IRGM: variants seen among roughly 807,000 people sequenced by gnomAD.
IRGM encodes immunity related GTPase M.
For missense variants in IRGM, 288 were observed against 219.9 expected, an observed-to-expected ratio of 1.31 and a Z score of -1.96; for synonymous variants, 98 against 80.6, an observed-to-expected ratio of 1.22 and a Z score of -1.16.
At chr5:150,850,574 T>C (rs1231681421), downstream of IRGM, among the ~76,000 whole-genome samples, 3 of 152,102 alleles carry the variant, frequency 2.0e-5, no homozygotes, top group African/African-American at 7.2e-5. Flanking sequence ...GTACCCCCCT[T>C]TTTTGAGACA....
At chr5:150,869,997 A>C (rs1029472541) in intron 1 of IRGM, among the ~76,000 whole-genome samples, 39 of 152,208 alleles carry the variant, frequency 2.6e-4, no homozygotes, top group Non-Finnish European at 5.4e-4. Flanking sequence ...AAAGATTCCA[A>C]AAGACCTCCA....
At chr5:150,901,011 G>A (rs17111473), downstream of IRGM, among the ~76,000 whole-genome samples, 11,036 of 152,050 alleles carry the variant, frequency 0.073, 1,331 homozygotes, top group African/African-American at 0.25. Flanking sequence ...GGTCCCTGGG[G>A]AAATGGAAGT....
intron 1 of IRGM, among the ~76,000 whole-genome samples, chr5:150,866,567 G>C (rs933179807): frequency 6.6e-6 from 1 of 152,052 alleles, no homozygotes; most frequent in Non-Finnish European, 1.5e-5. Flanking sequence ...AGAAACTTCT[G>C]ACAAAAATCA....
intron 3 of IRGM, chr5:150,895,950 A>C (rs1561754852): frequency 6.2e-7 from 1 of 1,613,446 alleles, no homozygotes; most frequent in Non-Finnish European, 8.5e-7. Context: ...ACCAGTGTGA[A>C]TTCTTTTATG....
At chr5:150,859,005 C>A (rs969538544) in intron 1 of IRGM, among the ~76,000 whole-genome samples, 2 of 152,090 alleles carry the variant, frequency 1.3e-5, no homozygotes, top group African/African-American at 2.4e-5. Context: ...GTCTTGTGCC[C>A]ATTTTCAATG....
intron 3 of IRGM, among the ~76,000 whole-genome samples, chr5:150,900,134 C>T (rs1026676037): frequency 6.6e-6 from 1 of 152,076 alleles, no homozygotes; most frequent in South Asian, 2.1e-4. Flanking sequence ...TGATTACATA[C>T]TAAATATATG....
At chr5:150,851,926 C>T (rs1028372440), downstream of IRGM, among the ~76,000 whole-genome samples, 1 of 152,162 alleles carries the variant, frequency 6.6e-6, no homozygotes, top group Admixed American at 6.5e-5. Flanking sequence ...AAGCTCTAAA[C>T]TTAAATGGCC....
chr5:150,896,988 G>A, intron 3 of IRGM: 1 of 1,587,762 alleles, frequency 6.3e-7, no homozygotes, highest in Non-Finnish European at 8.6e-7. Flanking sequence ...AAGAAGAAAA[G>A]ATACAATTTA....
intron 1 of IRGM, among the ~76,000 whole-genome samples, chr5:150,858,722 CTGTT>C (rs1754093590): frequency 6.6e-6 from 1 of 152,020 alleles, no homozygotes; most frequent in African/African-American, 2.4e-5. Flanking sequence ...ATTTGGCTCT[CTGTT>C]TGTCTGTTAT....
At chr5:150,879,683 A>G (rs1455454689) in intron 3 of IRGM, 1 of 152,224 alleles carries the variant, frequency 6.6e-6, no homozygotes, top group Non-Finnish European at 1.5e-5. Flanking sequence ...GAAAATACAC[A>G]ATGAACACTA....
At chr5:150,887,833 A>T (rs1423034728) in intron 3 of IRGM, among the ~76,000 whole-genome samples, 2 of 151,796 alleles carry the variant, frequency 1.3e-5, no homozygotes, top group Non-Finnish European at 2.9e-5. Context: ...GAAAGGAAAG[A>T]CTCCTACCAG....
chr5:150,880,270 G>A (rs1428551), intron 3 of IRGM, among the ~76,000 whole-genome samples: 29,349 of 151,968 alleles, frequency 0.19, 4,386 homozygotes, highest in East Asian at 0.43. Context: ...CTCGGCATGT[G>A]TAGCAAGTGT....
At chr5:150,867,207 T>C (rs1754220327) in intron 1 of IRGM, among the ~76,000 whole-genome samples, 1 of 152,218 alleles carries the variant, frequency 6.6e-6, no homozygotes, top group African/African-American at 2.4e-5. Flanking sequence ...TGTGTCCTCA[T>C]AGCTTCACTG....
chr5:150,897,828 T>G (rs72807809), intron 3 of IRGM: 15 of 439,826 alleles, frequency 3.4e-5, no homozygotes, highest in Non-Finnish European at 5.9e-5. Flanking sequence ...GGAATTTGCC[T>G]TCTATTGCCT....
At chr5:150,889,770 T>C (rs4352593) in intron 3 of IRGM, among the ~76,000 whole-genome samples, 31,737 of 151,746 alleles carry the variant, frequency 0.21, 5,354 homozygotes, top group African/African-American at 0.45. Flanking sequence ...TGTCAAATAC[T>C]TTTTTTCATC....
At chr5:150,896,820 T>C (rs929953875) in intron 3 of IRGM, 2 of 1,613,780 alleles carry the variant, frequency 1.2e-6, no homozygotes, top group Admixed American at 3.3e-5. Flanking sequence ...TTTGTCTTGA[T>C]TCTCTAGAAA....
intron 2 of IRGM, among the ~76,000 whole-genome samples, chr5:150,878,733 AT>A (rs1466315244): frequency 1.3e-5 from 2 of 151,854 alleles, no homozygotes; most frequent in African/African-American, 4.8e-5. Context: ...AATTATTATT[AT>A]TGTGTAATTA....
intron 1 of IRGM, among the ~76,000 whole-genome samples, chr5:150,858,961 A>T (rs1754097163): frequency 6.6e-6 from 1 of 152,060 alleles, no homozygotes; most frequent in East Asian, 1.9e-4. Context: ...TTCCAACACT[A>T]TGTTGAATAG....
intron 1 of IRGM, among the ~76,000 whole-genome samples, chr5:150,867,252 T>C (rs1754221001): frequency 6.6e-6 from 1 of 152,214 alleles, no homozygotes; most frequent in South Asian, 2.1e-4. Context: ...TATTTGGTTT[T>C]CCATTCCTGA....
Sources: allele counts gnomAD v4.1 joint callset (sites outside exome capture counted in the v4.1 genomes callset), GRCh38; gene constraint gnomAD v4.1.1; transcripts MANE v1.5; gene names NCBI Gene and HGNC (gene_info 2026-07-23, HGNC 2026-07-21).